The following CLEC17A variants were observed in gnomAD, a reference collection of about 807,000 sequenced individuals.
The protein encoded by CLEC17A is C-type lectin domain family 17, member A.
In CLEC17A, 37 loss-of-function variants were observed where a neutral mutation model predicts 61.3. The observed-to-expected ratio is 0.60, with a 90% CI of 0.46 to 0.79. The LOEUF (loss-of-function observed/expected upper bound fraction) is 0.79, where lower values mean the gene tolerates loss of function less well. Among genes scored for constraint, CLEC17A ranks in the 30% least tolerant of loss-of-function variants. The pLI is 0.00. For synonymous variants in CLEC17A, 168 were observed against 164.9 expected (o/e 1.02, Z -0.14); for missense variants, 418 against 464.7 (o/e 0.90, Z 0.92).
At chr19:14,602,230 G>A (rs764242338) in intron 12 of CLEC17A, among the ~76,000 whole-genome samples, 8 of 151,940 alleles carry the variant, frequency 5.3e-5, no homozygotes, top group Non-Finnish European at 8.8e-5. Flanking sequence ...TATATAGTTG[G>A]GTTTGGATTT....
intron 2 of CLEC17A, among the ~76,000 whole-genome samples, chr19:14,586,375 T>G (rs1051105861): frequency 2.0e-5 from 3 of 152,114 alleles, no homozygotes; most frequent in Admixed American, 2.0e-4. Context: ...CTGCCTGCCT[T>G]GGCCTCCCAA....
chr19:14,591,425 AT>A (rs1185272536), intron 3 of CLEC17A, among the ~76,000 whole-genome samples: 1 of 148,730 alleles, frequency 6.7e-6, no homozygotes, highest in East Asian at 2.0e-4. Context: ...AAGTGCTGGG[AT>A]TACAGGCGTG....
chr19:14,583,074 G>T (rs2074201996), upstream of CLEC17A: 1 of 1,457,260 alleles, frequency 6.9e-7, no homozygotes, highest in African/African-American at 1.4e-5. Context: ...AGGGAACTGA[G>T]AGAGCCCCCA....
Position 14,583,417 on chromosome 19 carries a change from A to G in CLEC17A, c.104A>G (p.Asp35Gly), listed in dbSNP as rs1599524169. Residue 35 changes from aspartate (D) to glycine (G), a missense_variant, in exon 2 of 14, where the codon GAC (aspartate) becomes GGC (glycine). Physicochemically the swap from Asp to Gly is moderately conservative, Grantham distance 94 (BLOSUM62 -1). Transcript: ENST00000417570. ...DYENSTPPYK[D>G]LPPKPGTMEE... Reference sequence around the variant, plus strand: ...GAGAACTCAACACCTCCCTACAAGGACCTTCCTCCCAAGCCAGGTAAGAGG... The same window carrying G: ...GAGAACTCAACACCTCCCTACAAGGGCCTTCCTCCCAAGCCAGGTAAGAGG... The G allele has an allele frequency of 6.2e-7, 1 of 1,612,460 alleles. No individual in the cohort carries two copies.
At chr19:14,596,704 C>A (rs1353943182) in intron 8 of CLEC17A, among the ~76,000 whole-genome samples, 172 bp from the exon 9 acceptor site, 1 of 152,116 alleles carries the variant, frequency 6.6e-6, no homozygotes, top group African/African-American at 2.4e-5. Context: ...TCAAAAAGAC[C>A]CTGAGCCTCC....
upstream of CLEC17A, among the ~76,000 whole-genome samples, chr19:14,581,492 C>CT (rs531605776): frequency 4.5e-4 from 66 of 145,152 alleles, no homozygotes; most frequent in South Asian, 1.1e-3. Flanking sequence ...TCCAGCTATT[C>CT]TTTTTTTTTT....
intron 12 of CLEC17A, among the ~76,000 whole-genome samples, chr19:14,600,891 CTTTTTTT>C (rs71166763): frequency 4.7e-5 from 3 of 63,218 alleles, no homozygotes; most frequent in African/African-American, 1.2e-4. Context: ...GCTCGGCCTT[CTTTTTTT>C]TTTTTTTTTT....
chr19:14,608,135 G>T (rs188863622), intron 13 of CLEC17A, among the ~76,000 whole-genome samples: 2 of 152,148 alleles, frequency 1.3e-5, no homozygotes, highest in African/African-American at 4.8e-5. Flanking sequence ...GCCTCCCAAA[G>T]TGCTGGGATG....
In CLEC17A at chr19:14,607,229, G is replaced by C. The variant is rs555327245; in HGVS notation, c.1004+127G>C. The C allele has an allele frequency of 1.0e-4, 33 of 323,750 alleles. 1 individual carries two copies. In the South Asian group the frequency reaches 4.4e-3, roughly 43 times the overall value. The allele number at this position is 323,750 out of a possible 1,614,324, so 20.1% of individuals were successfully genotyped here. A position where few individuals can be genotyped will look rare whatever the true frequency, so the allele number is the denominator to read the frequency against. On this transcript the variant is annotated intron_variant, in intron 13 of 13. Transcript: ENST00000417570. ...TGTTTCTTTTTTTTTTTTTGAGACA[G>C]AGTCTTGCTCTGTCGCCCAGGCTGG...
intron 12 of CLEC17A, among the ~76,000 whole-genome samples, chr19:14,606,489 G>A (rs1390558398): frequency 1.3e-5 from 2 of 152,054 alleles, no homozygotes; most frequent in East Asian, 1.9e-4. Flanking sequence ...GATCAGGCTG[G>A]TCAACATGGC....
chr19:14,609,415 C>T (rs141520144), intron 13 of CLEC17A, among the ~76,000 whole-genome samples: 3 of 152,244 alleles, frequency 2.0e-5, no homozygotes, highest in Non-Finnish European at 4.4e-5. Context: ...CCTACACACT[C>T]GAGTCCCTGA....
At position 14,594,792 on chromosome 19, in the gene CLEC17A, C is replaced by G. The variant is rs1176157078; in HGVS notation, c.395C>G (p.Pro132Arg). The G allele has an allele frequency of 3.1e-6, 5 of 1,613,764 alleles. No individual in the cohort carries two copies. The highest frequency in any genetic ancestry group is 4.2e-6 in the Non-Finnish European group (5 of 1,179,778). Reference sequence around the variant, plus strand: ...CTCGCCGCTGTCACCTGTCCACCTCCTCAACTGGGTGAGCAGTGGGAAGAC... The same window carrying G: ...CTCGCCGCTGTCACCTGTCCACCTCGTCAACTGGGTGAGCAGTGGGAAGAC... ...LDLAAVTCPPPQLAVNLEPSP... is the reference protein window; with the variant it reads ...LDLAAVTCPPRQLAVNLEPSP... The change falls in exon 7 of 14, where the codon CCT (proline) becomes CGT (arginine). Residue 132 changes from proline (P) to arginine (R), a missense_variant. Coordinates refer to ENST00000417570, the MANE Select transcript of CLEC17A (RefSeq NM_001204118.2).
upstream of CLEC17A, among the ~76,000 whole-genome samples, chr19:14,581,621 C>T (rs751387556): frequency 2.8e-4 from 42 of 150,358 alleles, no homozygotes; most frequent in Non-Finnish European, 4.3e-4. Context: ...CGTGAGCCAC[C>T]GCGCCTGGCC....
chr19:14,607,668 C>A (rs1258501933), intron 13 of CLEC17A, among the ~76,000 whole-genome samples: 1 of 151,812 alleles, frequency 6.6e-6, no homozygotes, highest in Admixed American at 6.6e-5. Flanking sequence ...CTCTGTCTCC[C>A]AGGTAGAGGT....
At chr19:14,607,127 C>T in intron 13 of CLEC17A, 25 bp downstream of exon 13, 5 of 1,142,486 alleles carry the variant, frequency 4.4e-6, no homozygotes, top group Non-Finnish European at 5.6e-6. Context: ...TTCCTGGGGT[C>T]TCTCTGCTTC....
intron 8 of CLEC17A, 129 bp from the exon 9 acceptor site, chr19:14,596,747 G>T: frequency 2.7e-6 from 3 of 1,106,992 alleles, no homozygotes; most frequent in Non-Finnish European, 3.8e-6. Context: ...CTCTCTTGCT[G>T]ACTTCATCTG....
intron 3 of CLEC17A, among the ~76,000 whole-genome samples, chr19:14,591,693 A>G (rs1456700430): frequency 1.3e-5 from 2 of 151,720 alleles, no homozygotes; most frequent in African/African-American, 4.9e-5. Context: ...AGCTGGGATT[A>G]CAGGCTTGCA....
intron 12 of CLEC17A, among the ~76,000 whole-genome samples, chr19:14,603,634 A>AT (rs370245680): frequency 0.013 from 1,869 of 145,944 alleles, 33 homozygotes; most frequent in African/African-American, 0.043. Flanking sequence ...TAAGTTTTGT[A>AT]TTTTTTTTTT....
At chr19:14,591,817 C>A (rs1370898291) in intron 3 of CLEC17A, among the ~76,000 whole-genome samples, 1 of 151,976 alleles carries the variant, frequency 6.6e-6, no homozygotes, top group Non-Finnish European at 1.5e-5. Context: ...CTCAGCCTCC[C>A]AAAGTGCTGG....
Sources: allele counts gnomAD v4.1 joint callset (sites outside exome capture counted in the v4.1 genomes callset), GRCh38; gene constraint gnomAD v4.1.1; transcripts MANE v1.5; gene names NCBI Gene and HGNC (gene_info 2026-07-23, HGNC 2026-07-21).